The following CSNK1G1 variants were observed in gnomAD, a reference collection of about 807,000 sequenced individuals.
The protein encoded by CSNK1G1 is casein kinase 1 gamma 1, also known as casein kinase I isoform gamma-1.
CSNK1G1 carries 22 observed loss-of-function variants against 59.6 expected under a neutral mutation model. The observed-to-expected ratio is 0.37, with a 90% CI of 0.26 to 0.53. The LOEUF (loss-of-function observed/expected upper bound fraction) is 0.53, where lower values mean the gene tolerates loss of function less well. Ranked by LOEUF, CSNK1G1 falls within the 20% of genes least tolerant of loss-of-function variation. CSNK1G1 has a pLI of 0.89. For synonymous variants in CSNK1G1, 179 were observed against 177.1 expected (o/e 1.01, Z -0.08); for missense variants, 384 against 519.5 (o/e 0.74, Z 2.54).
chr15:64,223,108 C>G (rs556197281), intron 4 of CSNK1G1, among the ~76,000 whole-genome samples: 21 of 152,044 alleles, frequency 1.4e-4, no homozygotes, highest in Admixed American at 2.6e-4. Flanking sequence ...TGGTTTTTCG[C>G]AGGAGTGCCC....
Position 64,210,897 on chromosome 15 carries a change from T to C in CSNK1G1, c.679+2993A>G, listed in dbSNP as rs927755449. On this transcript the variant is annotated intron_variant, in intron 6 of 11. Coordinates refer to ENST00000303052, the MANE Select transcript of CSNK1G1 (RefSeq NM_022048.5). This position sits in a 1 kb window ranked among gnomAD's most constrained non-coding sequence, Gnocchi z 4.2. ...ATTAACGACCTCCCTTAGGGATGAG[T>C]TCCCAAGAAAGCAGGTTGGTGAGAA... is the stretch of plus-strand genomic sequence containing the variant. Among the ~76,000 whole-genome samples the C allele has an allele frequency of 2.0e-5, 3 of 152,002 alleles. No individual in the cohort carries two copies. The highest frequency in any genetic ancestry group is 4.8e-5 in the African/African-American group (2 of 41,380).
At chr15:64,220,721 T>G (rs753049229) in intron 4 of CSNK1G1, among the ~76,000 whole-genome samples, 5 of 152,104 alleles carry the variant, frequency 3.3e-5, no homozygotes, top group Non-Finnish European at 7.4e-5. Flanking sequence ...TAATTTTTTT[T>G]TTGTTTGTTT....
At chr15:64,257,474 A>C (rs976113107) in intron 3 of CSNK1G1, among the ~76,000 whole-genome samples, 1 of 152,226 alleles carries the variant, frequency 6.6e-6, no homozygotes, top group African/African-American at 2.4e-5. Context: ...GGTGTACTAG[A>C]GAACACTTTT....
chr15:64,319,902 C>A (rs1896467936), intron 1 of CSNK1G1, among the ~76,000 whole-genome samples: 1 of 148,326 alleles, frequency 6.7e-6, no homozygotes, highest in South Asian at 2.1e-4. Context: ...AAATGACTGC[C>A]TAAGTAGATC....
intron 1 of CSNK1G1, among the ~76,000 whole-genome samples, chr15:64,324,106 G>A (rs1896711325): frequency 6.6e-6 from 1 of 152,134 alleles, no homozygotes; most frequent in Non-Finnish European, 1.5e-5. Context: ...CTTTTGTCAG[G>A]TAGATACTTG....
At chr15:64,307,634 G>C (rs909120544) in intron 1 of CSNK1G1, among the ~76,000 whole-genome samples, 12 of 152,150 alleles carry the variant, frequency 7.9e-5, no homozygotes, top group Admixed American at 5.9e-4. Context: ...CATTTTAGTA[G>C]TACACTAAAG....
intron 2 of CSNK1G1, among the ~76,000 whole-genome samples, chr15:64,281,629 G>A (rs1033723429): frequency 3.3e-5 from 5 of 152,092 alleles, no homozygotes; most frequent in African/African-American, 1.2e-4. Flanking sequence ...CCTGAGGTCA[G>A]GAGTTCAAGG....
chr15:64,301,714 C>G (rs1195465910), intron 1 of CSNK1G1, among the ~76,000 whole-genome samples: 1 of 152,168 alleles, frequency 6.6e-6, no homozygotes, highest in Non-Finnish European at 1.5e-5. Flanking sequence ...TGGCAAAACC[C>G]TGTCTCTACT....
chr15:64,294,827 G>A (rs552485538), intron 2 of CSNK1G1, among the ~76,000 whole-genome samples: 34 of 149,008 alleles, frequency 2.3e-4, no homozygotes, highest in Non-Finnish European at 1.8e-4. Context: ...CAGGAGAATC[G>A]CTTGAACTCA....
At chr15:64,178,015 T>C (rs556103408) in intron 11 of CSNK1G1, among the ~76,000 whole-genome samples, 1 of 152,318 alleles carries the variant, frequency 6.6e-6, no homozygotes, top group Admixed American at 6.5e-5. Flanking sequence ...GTTCTCAACA[T>C]TGGCTACATG....
chr15:64,221,061 A>G (rs2082382825), intron 4 of CSNK1G1, among the ~76,000 whole-genome samples: 2 of 152,224 alleles, frequency 1.3e-5, no homozygotes, highest in African/African-American at 4.8e-5. Context: ...TTTATCAAAA[A>G]GAAAAATCAA....
At chr15:64,268,443 A>G (rs1400304723) in intron 2 of CSNK1G1, among the ~76,000 whole-genome samples, 2 of 152,212 alleles carry the variant, frequency 1.3e-5, no homozygotes, top group Non-Finnish European at 2.9e-5. Context: ...AGGACCTTAA[A>G]TAACATCATT....
intron 3 of CSNK1G1, among the ~76,000 whole-genome samples, chr15:64,255,162 C>T (rs1892304919): frequency 6.6e-6 from 1 of 152,094 alleles, no homozygotes; most frequent in African/African-American, 2.4e-5. Flanking sequence ...CTGCAACCTC[C>T]ACCTCCCGGG....
chr15:64,351,863 C>T (rs1367645089), intron 1 of CSNK1G1, among the ~76,000 whole-genome samples: 7 of 151,916 alleles, frequency 4.6e-5, no homozygotes, highest in African/African-American at 7.3e-5. Flanking sequence ...ACAGAAACTC[C>T]GTCTCAAAAA....
At chr15:64,192,818 G>A (rs1596072141) in intron 10 of CSNK1G1, among the ~76,000 whole-genome samples, 1 of 109,542 alleles carries the variant, frequency 9.1e-6, no homozygotes, top group Non-Finnish European at 1.7e-5. Flanking sequence ...ACTCCACCCT[G>A]AGTGACAGAG....
At chr15:64,241,071 C>A (rs1292921176) in intron 4 of CSNK1G1, among the ~76,000 whole-genome samples, 1 of 152,048 alleles carries the variant, frequency 6.6e-6, no homozygotes, top group Non-Finnish European at 1.5e-5. Flanking sequence ...TTACAAGATG[C>A]AGACTGGATG....
chr15:64,273,801 G>A (rs1311146792), intron 2 of CSNK1G1, among the ~76,000 whole-genome samples: 1 of 152,000 alleles, frequency 6.6e-6, no homozygotes, highest in African/African-American at 2.4e-5. Flanking sequence ...CTGCATTCAA[G>A]GCTGTCCTGG....
chr15:64,339,200 C>T (rs1019441906), intron 1 of CSNK1G1, among the ~76,000 whole-genome samples: 5 of 152,178 alleles, frequency 3.3e-5, no homozygotes, highest in Non-Finnish European at 7.3e-5. Context: ...CCAGCATGAA[C>T]ATCATCTGCA....
intron 4 of CSNK1G1, among the ~76,000 whole-genome samples, chr15:64,228,832 AT>A (rs201155687): frequency 0.044 from 6,703 of 152,088 alleles, 187 homozygotes; most frequent in South Asian, 0.085. Context: ...CCTGGGCAAC[AT>A]GGTGAAACCC....
Sources: allele counts gnomAD v4.1 joint callset (sites outside exome capture counted in the v4.1 genomes callset), GRCh38; gene constraint gnomAD v4.1.1; non-coding constraint Gnocchi (gnomAD v3.1); transcripts MANE v1.5; gene names NCBI Gene and HGNC (gene_info 2026-07-23, HGNC 2026-07-21).